Variants in FLOT1 observed in about 807,000 individuals in gnomAD.
FLOT1 encodes the protein flotillin 1, also known as flotillin-1.
Under a neutral mutation model 58.4 loss-of-function variants are expected in FLOT1, and 40 were observed. The observed-to-expected ratio is 0.69, with a 90% CI of 0.53 to 0.89. FLOT1 has a LOEUF of 0.89. FLOT1 is among the 40% of genes least tolerant of loss of function. FLOT1 has a pLI of 0.00. For missense variants in FLOT1, 423 were observed against 540.8 expected (o/e 0.78, Z 2.16); for synonymous variants, 178 against 204.2 (o/e 0.87, Z 1.09).
intron 12 of FLOT1, among the ~76,000 whole-genome samples, chr6:30,728,509 A>C: frequency 6.8e-6 from 1 of 147,584 alleles, no homozygotes; most frequent in African/African-American, 2.5e-5. Context: ...TCACTCTATC[A>C]CCCAGGCTAG....
At position 30,727,811 on chromosome 6, in the gene FLOT1, A is replaced by G; in HGVS notation, c.*305T>C. ...CCCATCCCTCAGTCTTGGTCAGGAA[A>G]ATATTCTAGACAACAGGCTCAAACA... On this transcript the variant is annotated 3_prime_UTR_variant, in exon 13 of 13. Coordinates refer to ENST00000376389, the MANE Select transcript of FLOT1 (RefSeq NM_005803.4). 1 of 537,606 alleles carries G rather than the reference A, an allele frequency of 1.9e-6. No individual in the cohort carries two copies. Among genetic ancestry groups the G allele is most frequent in the Non-Finnish European group, 3.3e-6 (1 of 299,436 alleles). The allele number at this position is 537,606 out of a possible 1,614,324, so 33.3% of individuals were successfully genotyped here. A position where few individuals can be genotyped will look rare whatever the true frequency, so the allele number is the denominator to read the frequency against.
rs1777988505 is a variant in FLOT1, at chr6:30,741,629, G to A, written c.195C>T (p.Val65=). ...VYTRHGVPIS[V]TGIAQVKIQG... ...AAAGCTTCACCTGGGCAATGCCAGT[G>A]ACTGAGATGGGGACCCCATGGCGAG... Residue 65 remains valine, a synonymous_variant, in exon 4 of 13, where the codon GTC becomes GTT. Coordinates refer to ENST00000376389, the MANE Select transcript of FLOT1 (RefSeq NM_005803.4). This position sits in a 1 kb window ranked among gnomAD's most constrained non-coding sequence, Gnocchi z 5.9. The A allele has an allele frequency of 1.2e-6, 2 of 1,612,126 alleles. No homozygotes were observed. Among genetic ancestry groups the A allele is most frequent in the Middle Eastern group, 1.7e-4 (1 of 6,060 alleles).
chr6:30,738,042 T>C (rs545405825), intron 8 of FLOT1, among the ~76,000 whole-genome samples: 1 of 152,372 alleles, frequency 6.6e-6, no homozygotes, highest in African/African-American at 2.4e-5. Context: ...AGTAAGGTCA[T>C]GTTTAGAAGG....
chr6:30,729,981 G>A (rs745341617), intron 12 of FLOT1, 41 bp downstream of exon 12: 6 of 1,591,520 alleles, frequency 3.8e-6, no homozygotes, highest in South Asian at 1.1e-5. Context: ...ACACAACACA[G>A]GAACCTAGCA....
chr6:30,728,291 C>A (rs1776882500), intron 12 of FLOT1, 146 bp from the exon 13 acceptor site: 2 of 710,600 alleles, frequency 2.8e-6, no homozygotes, highest in South Asian at 3.0e-5. Context: ...CCTGTTTCCC[C>A]AAACAAAGAC....
chr6:30,734,824 A>G (rs1428665945), intron 8 of FLOT1, among the ~76,000 whole-genome samples: 1 of 151,970 alleles, frequency 6.6e-6, no homozygotes, highest in Non-Finnish European at 1.5e-5. Context: ...GATTCAAGTG[A>G]TTCTCCTGCC....
At position 30,730,973 on chromosome 6, in the gene FLOT1, C is replaced by A. The variant is rs545898052; in HGVS notation, c.851G>T (p.Arg284Leu). Residue 284 changes from arginine to leucine, a missense_variant, in exon 9 of 13, where the codon CGG becomes CTG. Physicochemically the swap from Arg to Leu is moderately radical, Grantham distance 102. Transcript: ENST00000376389. ...GTAGCGCTCCGCTTCCGCTGGCTTC[C>A]GCACCCGGGCCTCCAGCTCCTTCTC... ...RREKELEARV[R>L]KPAEAERYKL... The A allele has an allele frequency of 1.9e-5, 30 of 1,613,990 alleles. No homozygotes were observed. In the Admixed American group the frequency reaches 2.2e-4, roughly 12 times the overall value.
At position 30,742,669 on chromosome 6, in the gene FLOT1, C is replaced by A; in HGVS notation, c.-157G>T. ...CCCGCGTTCCCCACCCTGCCGCACC[C>A]CGTTGCTGCGGCAGACGCGACCCCG... is the stretch of plus-strand genomic sequence containing the variant. On this transcript the variant is annotated 5_prime_UTR_variant, in exon 1 of 13. Transcript: ENST00000376389. The surrounding 1 kb of genome is among the most constrained non-coding windows in gnomAD (Gnocchi z 5.2). 1 of 166,802 alleles carries A rather than the reference C, an allele frequency of 6.0e-6. No individual in the cohort carries two copies. The highest frequency in any genetic ancestry group is 1.3e-5 in the Non-Finnish European group (1 of 76,564). 10.3% of individuals were successfully genotyped at this position (166,802 alleles called of 1,614,324 possible).
chr6:30,731,019 C>T lies in FLOT1; in HGVS notation c.805G>A (p.Glu269Lys), dbSNP rs1490766319. The T allele has an allele frequency of 1.2e-6, 2 of 1,613,104 alleles. No individual in the cohort carries two copies. The highest frequency in any genetic ancestry group is 2.7e-5 in the African/African-American group (2 of 74,944). ...VERAQQVAVQ[E>K]QEIARREKEL... ...TTCTCCCGCCGGGCGATCTCCTGCTCCTGCACTGCCACCTGCTGGGCCCGC... is the reference window on the plus strand; with the variant it reads ...TTCTCCCGCCGGGCGATCTCCTGCTTCTGCACTGCCACCTGCTGGGCCCGC... Residue 269 changes from glutamate to lysine, a missense_variant, in exon 9 of 13, where the codon GAG becomes AAG. This residue lies in a region of FLOT1 where 137 missense variants were observed against 194.6 expected (regional missense o/e 0.70). Coordinates refer to ENST00000376389, the MANE Select transcript of FLOT1 (RefSeq NM_005803.4).
At chr6:30,732,611 C>CA (rs1342088976) in intron 8 of FLOT1, among the ~76,000 whole-genome samples, 3 of 152,136 alleles carry the variant, frequency 2.0e-5, no homozygotes, top group Non-Finnish European at 4.4e-5. Context: ...CTCGGCTTCC[C>CA]AAAGTGTTGG....
rs995907042 is a variant in FLOT1, at chr6:30,730,006, C to T, written c.1254+16G>A. 2 of 1,611,954 alleles carry T rather than the reference C, an allele frequency of 1.2e-6. No individual in the cohort carries two copies. Among genetic ancestry groups the T allele is most frequent in the Non-Finnish European group, 1.7e-6 (2 of 1,179,216 alleles). On this transcript the variant is annotated intron_variant, in intron 12 of 12. Transcript: ENST00000376389. ...GGAACCTAGCAATTCTCCTCAGCTC[C>T]AACCTGAGACCTCACCTGGGAGATG... is the stretch of plus-strand genomic sequence containing the variant.
rs753045122 is a variant in FLOT1, at chr6:30,741,370, G to T, written c.211-37C>A. ...GTAGGGGTAGGAAAGGTGTGGTGGG[G>T]GTCTCATGAAGTCAGAGAAAAAGCA... On this transcript the variant is annotated intron_variant, in intron 4 of 12. Coordinates refer to ENST00000376389, the MANE Select transcript of FLOT1 (RefSeq NM_005803.4). This position sits in a 1 kb window ranked among gnomAD's most constrained non-coding sequence, Gnocchi z 5.9. The T allele has an allele frequency of 9.9e-6, 16 of 1,611,974 alleles. No individual in the cohort carries two copies. The East Asian group carries it at 3.3e-4, about 34-fold the overall frequency.
Position 30,734,046 on chromosome 6 carries a change from GAAAAA to G in FLOT1, c.724-2951_724-2947del, listed in dbSNP as rs796499603. Among the ~76,000 whole-genome samples the G allele has an allele frequency of 8.8e-3, 431 of 48,746 alleles. 6 individuals carry two copies. Among genetic ancestry groups the G allele is most frequent in the African/African-American group, 0.025 (373 of 14,808 alleles). The allele number at this position is 48,746 out of a possible 152,430, so 32.0% of individuals were successfully genotyped here. On this transcript the variant is annotated intron_variant, in intron 8 of 12. Coordinates refer to ENST00000376389, the MANE Select transcript of FLOT1 (RefSeq NM_005803.4). ...GACAACAGAGCAAGACCCTGTCTCT[GAAAAA>G]AAAAAAAAAAAAAAAAAAAAAGGAA... is the stretch of plus-strand genomic sequence containing the variant.
In FLOT1 at chr6:30,741,128, G is replaced by A. The variant is rs1166197879; in HGVS notation, c.354+62C>T. On this transcript the variant is annotated intron_variant, in intron 5 of 12. Coordinates refer to ENST00000376389, the MANE Select transcript of FLOT1 (RefSeq NM_005803.4). This position sits in a 1 kb window ranked among gnomAD's most constrained non-coding sequence, Gnocchi z 5.9. ...GATCCACTGTCTCTCACAGACTAGT[G>A]TGGGCCTTGGGCCCCCCTCATTTTG... 5 of 1,579,688 alleles carry A rather than the reference G, an allele frequency of 3.2e-6. No homozygotes were observed. The Admixed American group carries it at 6.7e-5, about 21-fold the overall frequency.
rs1007860060 is a variant in FLOT1, at chr6:30,742,209, G to A, written c.-14-6C>T. ...AAACATGGTTCAGGCTGGAGCTGGA[G>A]GAGAGGGAGGGAAAGCCTTTGCGGA... On this transcript the variant is annotated splice_region_variant and splice_polypyrimidine_tract_variant and intron_variant, in intron 1 of 12. Transcript: ENST00000376389. The surrounding 1 kb of genome is among the most constrained non-coding windows in gnomAD (Gnocchi z 5.2). 1 of 1,612,870 alleles carries A rather than the reference G, an allele frequency of 6.2e-7. No homozygotes were observed. The highest frequency in any genetic ancestry group is 8.5e-7 in the Non-Finnish European group (1 of 1,179,852).
chr6:30,738,157 C>T (rs1448042171), intron 8 of FLOT1, among the ~76,000 whole-genome samples: 1 of 152,176 alleles, frequency 6.6e-6, no homozygotes, highest in African/African-American at 2.4e-5. Flanking sequence ...AGGAATTCAC[C>T]TTGAGATTTT....
At chr6:30,738,297 T>C (rs1202957235) in intron 8 of FLOT1, among the ~76,000 whole-genome samples, 1 of 152,216 alleles carries the variant, frequency 6.6e-6, no homozygotes, top group African/African-American at 2.4e-5. Context: ...CTGTATGCCA[T>C]GTTCAACCTG....
At chr6:30,730,320 T>A in intron 11 of FLOT1, 108 bp downstream of exon 11, 2 of 1,481,882 alleles carry the variant, frequency 1.3e-6, no homozygotes, top group Non-Finnish European at 9.2e-7. Context: ...TTCCCACCCC[T>A]AATTTAGAGT....
chr6:30,731,113 G>T lies in FLOT1; in HGVS notation c.724-13C>A. On this transcript the variant is annotated splice_polypyrimidine_tract_variant and intron_variant, in intron 8 of 12. Transcript: ENST00000376389. ...TAGTCTTGGCCACCTGGGTAGGAGG[G>T]TGAAGTCAGGTTCACGCTCTGAGTC... 1 of 1,587,886 alleles carries T rather than the reference G, an allele frequency of 6.3e-7. No individual in the cohort carries two copies. The highest frequency in any genetic ancestry group is 8.6e-7 in the Non-Finnish European group (1 of 1,167,926).
Sources: allele counts gnomAD v4.1 joint callset (sites outside exome capture counted in the v4.1 genomes callset), GRCh38; gene constraint gnomAD v4.1.1; regional missense constraint gnomAD v4.1.1; non-coding constraint Gnocchi (gnomAD v3.1); transcripts MANE v1.5; gene names NCBI Gene and HGNC (gene_info 2026-07-23, HGNC 2026-07-21).